The following NCAM2 variants were observed in gnomAD, a reference collection of about 807,000 sequenced individuals.
The protein encoded by NCAM2 is N-CAM-2.
NCAM2 carries 30 observed loss-of-function variants against 98.1 expected under a neutral mutation model. The ratio of observed to expected loss-of-function variants is 0.31; its 90% confidence interval spans 0.23 to 0.41. NCAM2 has a LOEUF of 0.41. NCAM2 is among the 10% of genes least tolerant of loss of function. The probability of loss-of-function intolerance (pLI) is 1.00; values close to 1 mark genes in which losing one functional copy is unlikely to be tolerated. For missense variants in NCAM2, 867 were observed against 1,005.8 expected (o/e 0.86, Z 1.87); for synonymous variants, 368 against 342.4 (o/e 1.07, Z -0.83).
At chr21:21,017,772 T>C (rs2064343538) in intron 1 of NCAM2, among the ~76,000 whole-genome samples, 1 of 152,122 alleles carries the variant, frequency 6.6e-6, no homozygotes. Flanking sequence ...ATTAACACTG[T>C]GCAAAATAGC....
chr21:21,039,317 C>T (rs1568955522), intron 1 of NCAM2, among the ~76,000 whole-genome samples: 1 of 151,948 alleles, frequency 6.6e-6, no homozygotes. Context: ...TTTGCAGTTC[C>T]CTCGAAAAAG....
intron 16 of NCAM2, among the ~76,000 whole-genome samples, 173 bp from the exon 17 acceptor site, chr21:21,534,364 A>G (rs982060145): frequency 2.0e-5 from 3 of 152,104 alleles, no homozygotes; most frequent in Admixed American, 2.0e-4. Flanking sequence ...CTGAGTGATA[A>G]TATATGGTGA....
intron 5 of NCAM2, among the ~76,000 whole-genome samples, chr21:21,318,132 G>A (rs974776911): frequency 5.9e-5 from 9 of 152,122 alleles, no homozygotes; most frequent in African/African-American, 2.2e-4. Context: ...AAAGGTGTTT[G>A]GGACCTCAAG....
chr21:21,336,313 C>T (rs576543675), intron 7 of NCAM2, among the ~76,000 whole-genome samples: 2 of 151,156 alleles, frequency 1.3e-5, no homozygotes, highest in Non-Finnish European at 2.9e-5. Context: ...AATATGTTTT[C>T]TCCAACTTTA....
intron 6 of NCAM2, among the ~76,000 whole-genome samples, chr21:21,326,874 A>G (rs1351215995): frequency 0.02 from 1 of 50 alleles, no homozygotes; most frequent in Non-Finnish European, 0.05. Flanking sequence ...CTTGTATCTG[A>G]CATATAGACA....
intron 1 of NCAM2, among the ~76,000 whole-genome samples, chr21:21,142,412 C>G (rs2067188309): frequency 8.2e-6 from 1 of 122,308 alleles, no homozygotes; most frequent in South Asian, 2.9e-4. Context: ...AGAGTCTCAC[C>G]CTGTCGTCCA....
At chr21:21,349,731 T>C (rs1402990810) in intron 8 of NCAM2, among the ~76,000 whole-genome samples, 1 of 152,194 alleles carries the variant, frequency 6.6e-6, no homozygotes, top group Admixed American at 6.5e-5. Flanking sequence ...AGTTGGGTAC[T>C]ATTCAGCCCT....
chr21:21,362,026 T>A (rs563551305), intron 8 of NCAM2, among the ~76,000 whole-genome samples: 2 of 152,300 alleles, frequency 1.3e-5, no homozygotes, highest in African/African-American at 4.8e-5. Context: ...AGCCCTACTT[T>A]AAATATATCC....
intron 1 of NCAM2, among the ~76,000 whole-genome samples, chr21:21,214,988 T>C (rs1051438254): frequency 6.6e-6 from 1 of 151,842 alleles, no homozygotes; most frequent in East Asian, 1.9e-4. Context: ...AGTGGAGTGA[T>C]GTAATCCTGG....
intron 9 of NCAM2, among the ~76,000 whole-genome samples, chr21:21,397,818 T>G (rs1411333115): frequency 3.3e-5 from 5 of 152,220 alleles, no homozygotes; most frequent in African/African-American, 1.2e-4. Context: ...GCAGCTGGCA[T>G]CTTCACAGTG....
intron 1 of NCAM2, among the ~76,000 whole-genome samples, chr21:21,269,449 A>G (rs1385934275): frequency 2.6e-5 from 4 of 152,196 alleles, no homozygotes; most frequent in Non-Finnish European, 5.9e-5. Flanking sequence ...TTAAGTAATG[A>G]GTAAATTGTT....
At chr21:21,516,049 G>A (rs774061775) in intron 16 of NCAM2, among the ~76,000 whole-genome samples, 8 of 152,088 alleles carry the variant, frequency 5.3e-5, no homozygotes, top group African/African-American at 1.4e-4. Context: ...GAAGCATACC[G>A]TATGTCCATG....
At chr21:21,529,492 CAT>C (rs1278753352) in intron 16 of NCAM2, among the ~76,000 whole-genome samples, 6 of 151,896 alleles carry the variant, frequency 4.0e-5, no homozygotes, top group Non-Finnish European at 4.4e-5. Flanking sequence ...TGAAATAAAA[CAT>C]AGAATACATC....
In NCAM2 at chr21:21,537,853, C is replaced by T. The variant is rs370098612; in HGVS notation, c.2410C>T (p.Pro804Ser). The change falls in exon 18 of 18, where the codon CCT becomes TCT. Residue 804 changes from proline to serine, a missense_variant. Physicochemically the swap from Pro to Ser is moderately conservative, Grantham distance 74. This residue lies in a region of NCAM2 where 125 missense variants were observed against 116.1 expected (regional missense o/e 1.08). Transcript: ENST00000400546. The stretch of plus-strand genomic sequence containing the variant: ...TTATTTTTTATCTTCCAGAAAATTG[C>T]CTTTAAAGGAAGAAGATGGGAAAGA... ...TTPLTEPEKL[P>S]LKEEDGKEAL... 1.3e-5 allele frequency: 20 copies of T among 1,506,814 alleles called. No homozygotes were observed. The highest frequency in any genetic ancestry group is 2.0e-5 in the Admixed American group (1 of 50,862). 93.3% of individuals were successfully genotyped at this position (1,506,814 alleles called of 1,614,324 possible). A position where few individuals can be genotyped will look rare whatever the true frequency, so the allele number is the denominator to read the frequency against.
intron 1 of NCAM2, among the ~76,000 whole-genome samples, chr21:21,151,118 C>T (rs1270325828): frequency 2.6e-5 from 4 of 151,538 alleles, no homozygotes. Context: ...ATTAAAAAAA[C>T]ACTTCTGTAT....
At chr21:21,522,885 A>G (rs1350191993) in intron 16 of NCAM2, among the ~76,000 whole-genome samples, 1 of 152,004 alleles carries the variant, frequency 6.6e-6, no homozygotes, top group Non-Finnish European at 1.5e-5. Context: ...CGGCCTCCCA[A>G]AGTGCTGGGA....
At chr21:21,518,824 C>G (rs1266527021) in intron 16 of NCAM2, among the ~76,000 whole-genome samples, 5 of 151,916 alleles carry the variant, frequency 3.3e-5, no homozygotes, top group African/African-American at 9.7e-5. Flanking sequence ...ACATGGAGTT[C>G]AAGTTATTGT....
In NCAM2 at chr21:21,039,359, A is replaced by G. The variant is rs143969040; in HGVS notation, c.55+40741A>G. 2.2e-3 allele frequency among the ~76,000 whole-genome samples: 337 copies of G among 152,330 alleles called. 2 individuals carry two copies. Among genetic ancestry groups the G allele is most frequent in the African/African-American group, 7.2e-3 (301 of 41,564 alleles). The stretch of plus-strand genomic sequence containing the variant: ...CTTAATAATCCACCATTGGGAAAGA[A>G]TAAGTTCTAATGTTCAGTAGTAGAG... On this transcript the variant is annotated intron_variant, in intron 1 of 17. Transcript: ENST00000400546.
chr21:21,213,066 C>A (rs2069726484), intron 1 of NCAM2, among the ~76,000 whole-genome samples: 1 of 152,076 alleles, frequency 6.6e-6, no homozygotes, highest in Non-Finnish European at 1.5e-5. Context: ...ATGTAGATCA[C>A]TAACTAGTTG....
Sources: allele counts gnomAD v4.1 joint callset (sites outside exome capture counted in the v4.1 genomes callset), GRCh38; gene constraint gnomAD v4.1.1; regional missense constraint gnomAD v4.1.1; transcripts MANE v1.5; gene names NCBI Gene and HGNC (gene_info 2026-07-23, HGNC 2026-07-21).